UBE4B: variants seen among roughly 807,000 people sequenced by gnomAD.
UBE4B encodes ubiquitin conjugation factor E4 B.
Under a neutral mutation model 148.1 loss-of-function variants are expected in UBE4B, and 27 were observed. That is an observed-to-expected ratio of 0.18 (90% CI 0.13 to 0.25). The LOEUF is 0.25. Ranked by LOEUF, UBE4B falls within the 10% of genes least tolerant of loss-of-function variation. The pLI is 1.00. For missense variants in UBE4B, 1,170 were observed against 1,662.4 expected (o/e 0.70, Z 5.15); for synonymous variants, 596 against 619.3 (o/e 0.96, Z 0.56).
chr1:10,059,742 G>T (rs2101809741), intron 1 of UBE4B: 1 of 152,656 alleles, frequency 6.6e-6, no homozygotes, highest in East Asian at 1.9e-4. Flanking sequence ...ACGTGTCACA[G>T]TGACCACAGC....
intron 1 of UBE4B, among the ~76,000 whole-genome samples, chr1:10,049,730 A>G (rs79945070): frequency 0.052 from 7,884 of 152,038 alleles, 363 homozygotes; most frequent in African/African-American, 0.12. Flanking sequence ...GGGAGACCCC[A>G]TATGTCCAAA....
intron 2 of UBE4B, among the ~76,000 whole-genome samples, chr1:10,075,954 C>T (rs921481975): frequency 3.9e-5 from 6 of 151,950 alleles, no homozygotes; most frequent in African/African-American, 1.5e-4. Context: ...TGAGGTGGGA[C>T]GATTGCTTGA....
intron 2 of UBE4B, among the ~76,000 whole-genome samples, chr1:10,093,675 GTT>G (rs943048759): frequency 6.6e-6 from 1 of 151,380 alleles, no homozygotes; most frequent in African/African-American, 2.4e-5. Flanking sequence ...AAGTTTCTCT[GTT>G]TTCTTTTTTC....
At chr1:10,107,125 T>G in intron 7 of UBE4B, 11 of 1,165,106 alleles carry the variant, frequency 9.4e-6, no homozygotes, top group Non-Finnish European at 1.2e-5. Context: ...AAAGTTTTAG[T>G]GTATGGTTTA....
intron 1 of UBE4B, among the ~76,000 whole-genome samples, chr1:10,039,046 C>A (rs1169700087): frequency 6.6e-6 from 1 of 151,836 alleles, no homozygotes; most frequent in Non-Finnish European, 1.5e-5. Flanking sequence ...GGAGGCAGAG[C>A]AAGACTCCAT....
At chr1:10,090,843 C>G (rs1343895755) in intron 2 of UBE4B, among the ~76,000 whole-genome samples, 1 of 146,128 alleles carries the variant, frequency 6.8e-6, no homozygotes, top group East Asian at 2.1e-4. Context: ...AATACTGGAA[C>G]AGGCCTAATG....
At position 10,106,366 on chromosome 1, in the gene UBE4B, TC is replaced by T; in HGVS notation, c.983del (p.Pro328ArgfsTer67). The T allele has an allele frequency of 6.2e-7, 1 of 1,613,748 alleles. No individual in the cohort carries two copies. The highest frequency in any genetic ancestry group is 8.5e-7 in the Non-Finnish European group (1 of 1,179,748). On this transcript the variant is annotated frameshift_variant, in exon 7 of 28. Coordinates refer to ENST00000343090, the MANE Select transcript of UBE4B (RefSeq NM_001105562.3). LOFTEE classifies it high-confidence loss of function. The surrounding 1 kb of genome is among the most constrained non-coding windows in gnomAD (Gnocchi z 4.2). ...AACTGCTGCGGGAAGCCAGCCTTCATCCCCGCGGTATCGCCCCTACACTGTC... is the reference window on the plus strand; with the variant it reads ...AACTGCTGCGGGAAGCCAGCCTTCATCCCGCGGTATCGCCCCTACACTGTC... ...SGTAAGSQPS[S>X]PRYRPYTVTH...
intron 1 of UBE4B, among the ~76,000 whole-genome samples, chr1:10,037,342 G>A (rs545087357): frequency 1.2e-4 from 18 of 151,774 alleles, no homozygotes; most frequent in Non-Finnish European, 2.2e-4. Context: ...GTGCTTTTAA[G>A]TAGAGTACTT....
intron 19 of UBE4B, among the ~76,000 whole-genome samples, chr1:10,148,975 A>T (rs938088729): frequency 6.6e-6 from 1 of 152,124 alleles, no homozygotes; most frequent in Non-Finnish European, 1.5e-5. Flanking sequence ...AAAGGAAAAC[A>T]TTTCACACAT....
At chr1:10,142,671 A>T (rs1219083648) in intron 17 of UBE4B, among the ~76,000 whole-genome samples, 1 of 152,014 alleles carries the variant, frequency 6.6e-6, no homozygotes, top group African/African-American at 2.4e-5. Context: ...ACTGTCTCAA[A>T]AAAAGAAGAT....
In UBE4B at chr1:10,129,741, C is replaced by T. The variant is rs111424650; in HGVS notation, c.1695+293C>T. Among the ~76,000 whole-genome samples the T allele has an allele frequency of 7.5e-3, 1,143 of 152,094 alleles. 6 individuals carry two copies. The highest frequency in any genetic ancestry group is 0.014 in the Middle Eastern group (4 of 294). Reference sequence around the variant, plus strand: ...TCTTGGCACACTGCAGCCTACGCCTCCTGGGTTCAAGTGAGTCTCGTGCCT... The same window carrying T: ...TCTTGGCACACTGCAGCCTACGCCTTCTGGGTTCAAGTGAGTCTCGTGCCT... On this transcript the variant is annotated intron_variant, in intron 12 of 27. Transcript: ENST00000343090.
chr1:10,061,161 A>G (rs1223060240), intron 1 of UBE4B, among the ~76,000 whole-genome samples: 1 of 152,198 alleles, frequency 6.6e-6, no homozygotes. Flanking sequence ...TAGAATTTGT[A>G]GTACTGGAAT....
At position 10,161,063 on chromosome 1, in the gene UBE4B, G is replaced by T; in HGVS notation, c.3054-79G>T. ...TGAGATAGTTGCAGTCTGGGTGGAG[G>T]TGCTTGTTCCCTGGGATTTGCTGTG... is the stretch of plus-strand genomic sequence containing the variant. On this transcript the variant is annotated intron_variant, in intron 22 of 27. Coordinates refer to ENST00000343090, the MANE Select transcript of UBE4B (RefSeq NM_001105562.3). The surrounding 1 kb of genome is among the most constrained non-coding windows in gnomAD (Gnocchi z 4.1). The T allele has an allele frequency of 5.2e-6, 8 of 1,532,852 alleles. No individual in the cohort carries two copies. The highest frequency in any genetic ancestry group is 1.2e-5 in the South Asian group (1 of 82,968). 95.0% of individuals were successfully genotyped at this position (1,532,852 alleles called of 1,614,324 possible).
Position 10,055,931 on chromosome 1 carries a change from C to A in UBE4B, c.25-16097C>A, listed in dbSNP as rs552720159. Among the ~76,000 whole-genome samples, 36 of 151,880 alleles carry A rather than the reference C, an allele frequency of 2.4e-4. No individual in the cohort carries two copies. The East Asian group carries it at 6.4e-3, about 27-fold the overall frequency. On this transcript the variant is annotated intron_variant, in intron 1 of 27. Coordinates refer to ENST00000343090, the MANE Select transcript of UBE4B (RefSeq NM_001105562.3). Reference sequence around the variant, plus strand: ...AAGACTCTGTCTCAAAAAAACAAAACAAAACAAAACAAAACCAGAAGTAGA... The same window carrying A: ...AAGACTCTGTCTCAAAAAAACAAAAAAAAACAAAACAAAACCAGAAGTAGA...
intron 3 of UBE4B, among the ~76,000 whole-genome samples, chr1:10,096,919 G>C (rs1553143654): frequency 6.7e-6 from 1 of 149,834 alleles, no homozygotes; most frequent in Non-Finnish European, 1.5e-5. Flanking sequence ...CATGCCTGTA[G>C]TACCAGCTAC....
intron 2 of UBE4B, among the ~76,000 whole-genome samples, chr1:10,080,137 A>G (rs760795427): frequency 2.0e-5 from 3 of 152,104 alleles, no homozygotes; most frequent in South Asian, 2.1e-4. Context: ...TGAAAATTCT[A>G]CTGGCTGGGT....
chr1:10,174,268 G>A (rs1309639470), intron 25 of UBE4B, among the ~76,000 whole-genome samples: 1 of 151,558 alleles, frequency 6.6e-6, no homozygotes, highest in Non-Finnish European at 1.5e-5. Context: ...GTGGAAGGCG[G>A]CTGTAATTCC....
chr1:10,101,054 A>G, intron 3 of UBE4B, 54 bp from the exon 4 acceptor site: 1 of 1,505,592 alleles, frequency 6.6e-7, no homozygotes, highest in Non-Finnish European at 9.2e-7. Context: ...AGCTACAGTG[A>G]CATTGTGCGG....
chr1:10,103,163 C>T, intron 5 of UBE4B, 71 bp downstream of exon 5: 3 of 1,448,466 alleles, frequency 2.1e-6, no homozygotes, highest in Non-Finnish European at 2.8e-6. Context: ...TCTTTGCCCT[C>T]TGTTATCCAC....
Sources: allele counts gnomAD v4.1 joint callset (sites outside exome capture counted in the v4.1 genomes callset), GRCh38; gene constraint gnomAD v4.1.1; non-coding constraint Gnocchi (gnomAD v3.1); transcripts MANE v1.5; gene names NCBI Gene and HGNC (gene_info 2026-07-23, HGNC 2026-07-21).